Variants in SLC15A5 observed in about 807,000 individuals in gnomAD.
SLC15A5 encodes solute carrier family 15 member 5.
A neutral mutation model predicts 56.1 loss-of-function variants in SLC15A5; 58 were observed. The observed-to-expected ratio is 1.03, with a 90% CI of 0.84 to 1.29. SLC15A5 has a LOEUF of 1.29. Among genes scored for constraint, SLC15A5 ranks in the 50% most tolerant of loss-of-function variants. The pLI, the probability that SLC15A5 is intolerant of heterozygous loss-of-function variation, is 0.00. For synonymous variants in SLC15A5, 264 were observed against 250.5 expected, an observed-to-expected ratio of 1.05 and a Z score of -0.51; for missense variants, 681 against 672.1, an observed-to-expected ratio of 1.01 and a Z score of -0.15.
intron 5 of SLC15A5, among the ~76,000 whole-genome samples, chr12:16,233,592 T>G (rs750041259): frequency 1.1e-4 from 17 of 152,176 alleles, no homozygotes; most frequent in African/African-American, 2.7e-4. Flanking sequence ...TCATCCGCTT[T>G]TATTACCTGT....
At position 16,243,716 on chromosome 12, in the gene SLC15A5, A is replaced by G. The variant is rs976872983; in HGVS notation, c.975+864T>C. Among the ~76,000 whole-genome samples, 1 of 152,238 alleles carries G rather than the reference A, an allele frequency of 6.6e-6. No individual in the cohort carries two copies. Among genetic ancestry groups the G allele is most frequent in the Non-Finnish European group, 1.5e-5 (1 of 68,016 alleles). ...GAGGACAGATTCCGCTTTCCCTTAC[A>G]CTACTATTAACTGTGACCTACGGTG... On this transcript the variant is annotated intron_variant, in intron 4 of 8. Coordinates refer to ENST00000344941, the MANE Select transcript of SLC15A5 (RefSeq NM_001170798.1). The surrounding 1 kb of genome is among the most constrained non-coding windows in gnomAD (Gnocchi z 4.4).
chr12:16,229,682 AC>A (rs1864277296), intron 5 of SLC15A5, among the ~76,000 whole-genome samples: 4 of 150,834 alleles, frequency 2.7e-5, no homozygotes, highest in Non-Finnish European at 3.0e-5. Context: ...ACACACACAC[AC>A]AATCTTAAAT....
intron 7 of SLC15A5, among the ~76,000 whole-genome samples, chr12:16,202,663 C>T (rs1447103257): frequency 6.6e-6 from 1 of 152,086 alleles, no homozygotes; most frequent in Non-Finnish European, 1.5e-5. Context: ...TTTTAGGATA[C>T]TCTCAGTTTG....
intron 5 of SLC15A5, among the ~76,000 whole-genome samples, chr12:16,227,845 T>G (rs1864257611): frequency 1.3e-5 from 2 of 152,134 alleles, no homozygotes; most frequent in South Asian, 2.1e-4. Context: ...GGAAAGATAT[T>G]GGAGGTAGGA....
At chr12:16,205,372 T>C (rs1864004380) in intron 7 of SLC15A5, among the ~76,000 whole-genome samples, 1 of 151,628 alleles carries the variant, frequency 6.6e-6, no homozygotes, top group Admixed American at 6.6e-5. Context: ...GTCTTTAAAA[T>C]ATTTATCCTC....
At chr12:16,239,290 C>T (rs1438796177) in intron 5 of SLC15A5, among the ~76,000 whole-genome samples, 1 of 152,148 alleles carries the variant, frequency 6.6e-6, no homozygotes, top group Admixed American at 6.5e-5. Context: ...AATACTAATC[C>T]TTAATCAATT....
At chr12:16,215,095 C>T (rs751291803) in intron 7 of SLC15A5, among the ~76,000 whole-genome samples, 8 of 149,560 alleles carry the variant, frequency 5.3e-5, no homozygotes, top group East Asian at 4.1e-4. Flanking sequence ...ACCAGCTACG[C>T]GGGAGGCTGA....
intron 4 of SLC15A5, among the ~76,000 whole-genome samples, chr12:16,240,560 C>A (rs1043009237): frequency 6.6e-6 from 1 of 152,046 alleles, no homozygotes; most frequent in Non-Finnish European, 1.5e-5. Context: ...GTGAAAGATA[C>A]AATTTTTTTA....
chr12:16,227,035 T>C lies in SLC15A5; in HGVS notation c.1163-2433A>G, dbSNP rs1798684. Among the ~76,000 whole-genome samples the C allele has an allele frequency of 9.0e-3, 1,366 of 152,260 alleles. 10 individuals are homozygous for C. Among genetic ancestry groups the C allele is most frequent in the African/African-American group, 0.03 (1,266 of 41,548 alleles). ...GAAACTGGTAGGTAATTTTTTTGATTATATCTCAGAATTTAAATATATTCA... is the reference window on the plus strand; with the variant it reads ...GAAACTGGTAGGTAATTTTTTTGATCATATCTCAGAATTTAAATATATTCA... On this transcript the variant is annotated intron_variant, in intron 5 of 8. Transcript: ENST00000344941.
intron 5 of SLC15A5, among the ~76,000 whole-genome samples, chr12:16,226,192 T>A (rs915629294): frequency 1.3e-5 from 2 of 152,210 alleles, no homozygotes; most frequent in African/African-American, 4.8e-5. Context: ...AAATCATTTC[T>A]AGGTTACTTA....
chr12:16,262,825 T>A, intron 2 of SLC15A5, among the ~76,000 whole-genome samples: 1 of 152,188 alleles, frequency 6.6e-6, no homozygotes, highest in East Asian at 1.9e-4. Flanking sequence ...TGGGAGTTTC[T>A]CTGCACAGCT....
In SLC15A5 at chr12:16,216,886, T is replaced by C. The variant is rs749026606; in HGVS notation, c.1483+7A>G. The C allele has an allele frequency of 2.6e-6, 4 of 1,534,392 alleles. No individual in the cohort carries two copies. Among genetic ancestry groups the C allele is most frequent in the Non-Finnish European group, 3.5e-6 (4 of 1,145,778 alleles). The stretch of plus-strand genomic sequence containing the variant: ...TGTATATAAGCATGCCACGAACCTA[T>C]TTTTACCATCTGAGATGAGATATAC... On this transcript the variant is annotated splice_region_variant and intron_variant, in intron 7 of 8. Coordinates refer to ENST00000344941, the MANE Select transcript of SLC15A5 (RefSeq NM_001170798.1).
At chr12:16,193,647 G>T (rs1863860200) in intron 8 of SLC15A5, among the ~76,000 whole-genome samples, 1 of 151,910 alleles carries the variant, frequency 6.6e-6, no homozygotes, top group Non-Finnish European at 1.5e-5. Flanking sequence ...CAGACATTGT[G>T]ATTAGCACTT....
chr12:16,239,172 C>T (rs1864385776), intron 5 of SLC15A5, among the ~76,000 whole-genome samples: 1 of 152,174 alleles, frequency 6.6e-6, no homozygotes, highest in South Asian at 2.1e-4. Context: ...ATCCTTCTCT[C>T]CCATTTCAAT....
rs1463926359 is a variant in SLC15A5 at position 16,196,644 on chromosome 12, T to C, written c.1484-2191A>G. Among the ~76,000 whole-genome samples the C allele has an allele frequency of 6.6e-6, 1 of 152,102 alleles. No homozygotes were observed. Among genetic ancestry groups the C allele is most frequent in the Non-Finnish European group, 1.5e-5 (1 of 68,008 alleles). On this transcript the variant is annotated intron_variant, in intron 7 of 8. Transcript: ENST00000344941. This position sits in a 1 kb window ranked among gnomAD's most constrained non-coding sequence, Gnocchi z 4.0. ...TGCATGTCATGCGATTATACCTTTT[T>C]ATCACCATGTTTCTCTGACTAGTGT...
chr12:16,253,464 T>TA (rs1295229850), intron 3 of SLC15A5, among the ~76,000 whole-genome samples: 1 of 152,090 alleles, frequency 6.6e-6, no homozygotes, highest in Non-Finnish European at 1.5e-5. Context: ...ATAACCTGTT[T>TA]AAAAAATGAC....
At chr12:16,241,433 A>G (rs149812996) in intron 4 of SLC15A5, among the ~76,000 whole-genome samples, 20 of 152,344 alleles carry the variant, frequency 1.3e-4, no homozygotes. Flanking sequence ...TAATTGTAAA[A>G]TGAGCCTATT....
At chr12:16,248,620 C>A (rs137963936) in intron 3 of SLC15A5, among the ~76,000 whole-genome samples, 1 of 152,242 alleles carries the variant, frequency 6.6e-6, no homozygotes, top group Admixed American at 6.5e-5. Context: ...GTAGTTACCA[C>A]TGAATGTTAG....
rs1863874679 is a variant in SLC15A5, at chr12:16,194,413, T to A, written c.1524A>T (p.Glu508Asp). 1 of 1,535,168 alleles carries A rather than the reference T, an allele frequency of 6.5e-7. No individual in the cohort carries two copies. Among genetic ancestry groups the A allele is most frequent in the African/African-American group, 1.4e-5 (1 of 72,854 alleles). ...FPNTLNKGNL[E>D]SFFFFLASLT... ...ATGATGCCAGGAAGAAGAAGAAGCT[T>A]TCTAAATTGCCTTTGTTTAATGTGT... The change falls in exon 8 of 9, where the codon GAA becomes GAT. Residue 508 changes from glutamate to aspartate, a missense_variant. Transcript: ENST00000344941.
Sources: allele counts gnomAD v4.1 joint callset (sites outside exome capture counted in the v4.1 genomes callset), GRCh38; gene constraint gnomAD v4.1.1; non-coding constraint Gnocchi (gnomAD v3.1); transcripts MANE v1.5; gene names NCBI Gene and HGNC (gene_info 2026-07-23, HGNC 2026-07-21).